LOXHD1: variants seen among roughly 807,000 people sequenced by gnomAD.
The protein encoded by LOXHD1 is lipoxygenase homology PLAT domains 1, also known as lipoxygenase homology domain-containing protein 1.
In LOXHD1, 205 loss-of-function variants were observed where a neutral mutation model predicts 248.2. The ratio of observed to expected loss-of-function variants is 0.83; its 90% confidence interval spans 0.74 to 0.93. The LOEUF (loss-of-function observed/expected upper bound fraction) is 0.93. Ranked by LOEUF, LOXHD1 falls within the 40% of genes least tolerant of loss-of-function variation. The pLI is 0.00. For missense variants in LOXHD1, 2,930 were observed against 2,971.6 expected (o/e 0.99, Z 0.33); for synonymous variants, 1,113 against 1,162.8 (o/e 0.96, Z 0.87).
chr18:46,621,856 T>C (rs1445647438), intron 4 of LOXHD1, among the ~76,000 whole-genome samples: 6 of 152,332 alleles, frequency 3.9e-5, no homozygotes, highest in Admixed American at 1.3e-4. Context: ...GAAAATGACA[T>C]GGTGGATTCA....
chr18:46,569,254 A>C (rs1011987699), intron 16 of LOXHD1, among the ~76,000 whole-genome samples, 188 bp downstream of exon 16: 1 of 152,214 alleles, frequency 6.6e-6, no homozygotes, highest in Non-Finnish European at 1.5e-5. Flanking sequence ...TCTAGGTCAC[A>C]GCTAAAAAAC....
chr18:46,581,021 T>A (rs1448609711), intron 12 of LOXHD1, among the ~76,000 whole-genome samples: 1 of 152,132 alleles, frequency 6.6e-6, no homozygotes, highest in East Asian at 1.9e-4. Context: ...TATTTTTAAT[T>A]TTTATTTTTG....
chr18:46,547,876 C>T (rs2036917216), intron 21 of LOXHD1, among the ~76,000 whole-genome samples: 1 of 152,176 alleles, frequency 6.6e-6, no homozygotes, highest in African/African-American at 2.4e-5. Flanking sequence ...ATATTTGAGT[C>T]ATGCTTATAC....
rs192214088 is a variant in LOXHD1 at position 46,535,070 on chromosome 18, G to A, written c.4096-619C>T. Among the ~76,000 whole-genome samples the A allele has an allele frequency of 3.3e-4, 50 of 152,152 alleles. 1 individual carries two copies. Among genetic ancestry groups the A allele is most frequent in the Admixed American group, 1.8e-3 (28 of 15,282 alleles). On this transcript the variant is annotated intron_variant, in intron 26 of 40. Transcript: ENST00000642948. ...CCTCAGGAAAGCCCTTAACCTCCCC[G>A]AGAAAGTTAATTTTCTTCATGACAG...
intron 37 of LOXHD1, among the ~76,000 whole-genome samples, 198 bp from the exon 38 acceptor site, chr18:46,489,340 T>C (rs1486360009): frequency 6.6e-6 from 1 of 152,162 alleles, no homozygotes; most frequent in Non-Finnish European, 1.5e-5. Context: ...AGGATATAAT[T>C]TTCTGCAAAG....
In LOXHD1 at chr18:46,559,469, G is replaced by A. The variant is rs886053830; in HGVS notation, c.3195C>T (p.Ser1065=). The A allele has an allele frequency of 1.3e-6, 2 of 1,551,952 alleles. No homozygotes were observed. Among genetic ancestry groups the A allele is most frequent in the Non-Finnish European group, 1.7e-6 (2 of 1,147,086 alleles). Residue 1065 remains serine (S), a synonymous_variant, in exon 20 of 41, where the codon TCC becomes TCT. Coordinates refer to ENST00000642948, the MANE Select transcript of LOXHD1 (RefSeq NM_001384474.1). Reference sequence around the variant, plus strand: ...CTACCTGCCCCTGCTCAAATTTGTTGGACTTGTCTGACTTCTTCAGGGGTC... The same window carrying A: ...CTACCTGCCCCTGCTCAAATTTGTTAGACTTGTCTGACTTCTTCAGGGGTC... ...GERPLKKSDK[S]NKFEQGQTDT...
At chr18:46,578,851 A>C (rs532980915) in intron 13 of LOXHD1, among the ~76,000 whole-genome samples, 27 of 152,330 alleles carry the variant, frequency 1.8e-4, no homozygotes, top group African/African-American at 6.5e-4. Context: ...CACCACAGGT[A>C]GGCATCCTTT....
At chr18:46,512,660 C>G (rs529568541) in intron 34 of LOXHD1, among the ~76,000 whole-genome samples, 1 of 152,374 alleles carries the variant, frequency 6.6e-6, no homozygotes, top group African/African-American at 2.4e-5. Context: ...ACCCTTGCAG[C>G]TCTTTTCCTC....
At chr18:46,595,438 T>G (rs2038242695) in intron 8 of LOXHD1, among the ~76,000 whole-genome samples, 1 of 152,096 alleles carries the variant, frequency 6.6e-6, no homozygotes, top group South Asian at 2.1e-4. Context: ...CTGACACAAA[T>G]ATACTGGCAA....
chr18:46,519,993 G>A lies in LOXHD1; in HGVS notation c.5271+1104C>T, dbSNP rs370265658. Among the ~76,000 whole-genome samples the A allele has an allele frequency of 3.9e-5, 6 of 152,316 alleles. No individual in the cohort carries two copies. In the East Asian group the frequency reaches 7.7e-4, roughly 20 times the overall value. ...CAAGGGAGCTGCAGCTGCACTGCGT[G>A]GGGTGTGCATGTGTGCTGGGCGGTG... On this transcript the variant is annotated intron_variant, in intron 33 of 40. Transcript: ENST00000642948.
At chr18:46,550,309 C>T (rs33997500) in intron 21 of LOXHD1, among the ~76,000 whole-genome samples, 11,078 of 151,448 alleles carry the variant, frequency 0.073, 476 homozygotes, top group Non-Finnish European at 0.099. Context: ...CACGGTGGCT[C>T]ACGCCAGTAA....
rs752786668 is a variant in LOXHD1, at chr18:46,559,531, T to C, written c.3133A>G (p.Thr1045Ala). ...TCTCCATACTCCTCGCCGTAGATGG[T>C]TAGGTAGACGTTAGCATCAGTGCCG... ...KAGTDANVYLTIYGEEYGDTG... is the reference protein window; with the variant it reads ...KAGTDANVYLAIYGEEYGDTG... The change falls in exon 20 of 41, where the codon ACC (threonine) becomes GCC (alanine). Residue 1045 changes from threonine (T) to alanine (A), a missense_variant. Transcript: ENST00000642948. 2.6e-6 allele frequency: 4 copies of C among 1,551,956 alleles called. No individual in the cohort carries two copies. Among genetic ancestry groups the C allele is most frequent in the South Asian group, 1.2e-5 (1 of 84,054 alleles).
intron 37 of LOXHD1, among the ~76,000 whole-genome samples, chr18:46,497,123 C>T (rs1279581577): frequency 1.3e-5 from 2 of 152,214 alleles, no homozygotes; most frequent in Non-Finnish European, 2.9e-5. Flanking sequence ...GGGTGGAGGG[C>T]CACTTCTTTG....
chr18:46,566,213 C>A, intron 17 of LOXHD1, 44 bp downstream of exon 17: 1 of 1,515,474 alleles, frequency 6.6e-7, no homozygotes, highest in Non-Finnish European at 8.9e-7. Flanking sequence ...AGCCCCATCC[C>A]CCATGGGAAA....
chr18:46,501,699 C>G (rs1016317128), intron 37 of LOXHD1, among the ~76,000 whole-genome samples: 1 of 152,148 alleles, frequency 6.6e-6, no homozygotes, highest in Non-Finnish European at 1.5e-5. Flanking sequence ...CCCTTAGGAG[C>G]AATGGTTCAG....
intron 4 of LOXHD1, among the ~76,000 whole-genome samples, chr18:46,630,104 C>T (rs530780156): frequency 1.2e-4 from 19 of 152,298 alleles, no homozygotes; most frequent in Non-Finnish European, 2.1e-4. Flanking sequence ...GAATCAGGAC[C>T]CACCTCAAGA....
chr18:46,527,076 G>T (rs2004971), intron 29 of LOXHD1, among the ~76,000 whole-genome samples: 13,412 of 151,938 alleles, frequency 0.088, 658 homozygotes, highest in Non-Finnish European at 0.1. Flanking sequence ...CAGAAGAAAG[G>T]GATGGGGCAG....
At chr18:46,597,272 AAC>A (rs2038270889) in intron 8 of LOXHD1, among the ~76,000 whole-genome samples, 3 of 152,198 alleles carry the variant, frequency 2.0e-5, no homozygotes, top group Non-Finnish European at 4.4e-5. Flanking sequence ...AATAGGGAAA[AAC>A]AGTCAATCCA....
intron 12 of LOXHD1, among the ~76,000 whole-genome samples, 188 bp downstream of exon 12, chr18:46,591,745 C>T (rs185992450): frequency 2.6e-4 from 39 of 152,276 alleles, no homozygotes; most frequent in Admixed American, 2.0e-4. Context: ...GGTAGAGCTC[C>T]GGCATCATGA....
Sources: gnomAD v4.1 joint callset for allele counts (sites outside exome capture counted in the v4.1 genomes callset) on GRCh38, gnomAD v4.1.1 for gene constraint, MANE v1.5 for transcripts, NCBI Gene and HGNC (gene_info 2026-07-23, HGNC 2026-07-21) for gene names.